Variants in DUSP10 observed in about 807,000 individuals in gnomAD.
The protein encoded by DUSP10 is dual specificity protein phosphatase 10.
A neutral mutation model predicts 30.8 loss-of-function variants in DUSP10; 14 were observed. The ratio of observed to expected loss-of-function variants is 0.46; its 90% CI spans 0.30 to 0.71. The LOEUF is 0.71. DUSP10 is among the 30% of genes least tolerant of loss of function. The pLI, the probability that DUSP10 is intolerant of heterozygous loss-of-function variation, is 0.08. For synonymous variants in DUSP10, 254 were observed against 250.4 expected (o/e 1.01, Z -0.14); for missense variants, 550 against 619.4 (o/e 0.89, Z 1.19).
intron 2 of DUSP10, among the ~76,000 whole-genome samples, chr1:221,724,726 T>C (rs12129426): frequency 0.099 from 15,002 of 152,272 alleles, 812 homozygotes; most frequent in Middle Eastern, 0.13. Context: ...TGAATGTGTG[T>C]GCATGCACAT....
At chr1:221,739,902 C>G (rs910718616) in intron 1 of DUSP10, 115 bp from the exon 2 acceptor site, 17 of 1,081,756 alleles carry the variant, frequency 1.6e-5, no homozygotes, top group Non-Finnish European at 2.1e-5. Flanking sequence ...GTCCTAATTG[C>G]CCTTTATCAT....
At chr1:221,713,250 TA>T (rs1660995217) in intron 2 of DUSP10, among the ~76,000 whole-genome samples, 1 of 152,220 alleles carries the variant, frequency 6.6e-6, no homozygotes, top group Admixed American at 6.5e-5. Flanking sequence ...TCTGCTCTGC[TA>T]AAAGTGTACT....
At chr1:221,724,343 A>AT (rs5781248) in intron 2 of DUSP10, among the ~76,000 whole-genome samples, 13 of 151,332 alleles carry the variant, frequency 8.6e-5, no homozygotes, top group East Asian at 5.8e-4. Context: ...AATAACAAGC[A>AT]TTTTTTTTTT....
At chr1:221,738,731 C>A (rs1398720550) in intron 2 of DUSP10, among the ~76,000 whole-genome samples, 1 of 152,174 alleles carries the variant, frequency 6.6e-6, no homozygotes, top group Non-Finnish European at 1.5e-5. Context: ...AAGGGTAGAA[C>A]CCAGATCTTC....
chr1:221,714,250 ATTAC>A (rs1442227279), intron 2 of DUSP10, among the ~76,000 whole-genome samples: 2 of 152,176 alleles, frequency 1.3e-5, no homozygotes, highest in Non-Finnish European at 2.9e-5. Flanking sequence ...TTAAGAAGAA[ATTAC>A]TTAGGCAGAT....
At position 221,706,397 on chromosome 1, in the gene DUSP10, C is replaced by T. The variant is rs770902966; in HGVS notation, c.881G>A (p.Arg294Gln). 8.3e-6 allele frequency: 13 copies of T among 1,571,276 alleles called. No individual in the cohort carries two copies. The highest frequency in any genetic ancestry group is 1.7e-4 in the Middle Eastern group (1 of 5,852). Residue 294 changes from arginine (R) to glutamine (Q), a missense_variant, in exon 3 of 4, where the codon CGG becomes CAG. Coordinates refer to ENST00000366899, the MANE Select transcript of DUSP10 (RefSeq NM_007207.6). This position sits in a 1 kb window ranked among gnomAD's most constrained non-coding sequence, Gnocchi z 4.6. ...CGCGGATGCGCCGCCCCCCACCTCC[C>T]GGCACTCTTGGAGCTGGAGGGAGTT... is the stretch of plus-strand genomic sequence containing the variant. ...CDNSLQLQECREVGGGASAAS... is the reference protein window; with the variant it reads ...CDNSLQLQECQEVGGGASAAS...
intron 3 of DUSP10, among the ~76,000 whole-genome samples, chr1:221,703,217 G>A (rs1407821774): frequency 6.6e-6 from 1 of 151,386 alleles, no homozygotes; most frequent in African/African-American, 2.4e-5. Flanking sequence ...GTGTGTGTGT[G>A]TGTATATATA....
chr1:221,703,954 C>T (rs1045506086), intron 3 of DUSP10, among the ~76,000 whole-genome samples: 3 of 152,164 alleles, frequency 2.0e-5, no homozygotes, highest in African/African-American at 7.2e-5. Flanking sequence ...AAGTAAGCAT[C>T]TCTCTTTTTC....
At position 221,733,448 on chromosome 1, in the gene DUSP10, C is replaced by A. The variant is rs556374168; in HGVS notation, c.811+5486G>T. Among the ~76,000 whole-genome samples, 5 of 152,314 alleles carry A rather than the reference C, an allele frequency of 3.3e-5. No individual in the cohort carries two copies. In the South Asian group the frequency reaches 1.0e-3, roughly 32 times the overall value. ...AGGAGTTTCTTGAACTTGTCCATGA[C>A]AAGCTGGATGATTAAGTTAATTAAC... On this transcript the variant is annotated intron_variant, in intron 2 of 3. Transcript: ENST00000366899.
rs1168279469 is a variant in DUSP10, at chr1:221,718,816, AG to A, written c.812-12351del. 2.0e-5 allele frequency among the ~76,000 whole-genome samples: 3 copies of A among 152,372 alleles called. No individual in the cohort carries two copies. In the East Asian group the frequency reaches 5.8e-4, roughly 29 times the overall value. The stretch of plus-strand genomic sequence containing the variant: ...AAAGTATGTTTCCCAATGGGATTTA[AG>A]TAAAGTCCAATTAAATAAATCTTCA... On this transcript the variant is annotated intron_variant, in intron 2 of 3. Transcript: ENST00000366899.
Position 221,706,085 on chromosome 1 carries a change from A to T in DUSP10, c.1183+10T>A, listed in dbSNP as rs1454452630. On this transcript the variant is annotated intron_variant, in intron 3 of 3. Transcript: ENST00000366899. The surrounding 1 kb of genome is among the most constrained non-coding windows in gnomAD (Gnocchi z 4.6). ...GCAGCGGATGAAAATTCCCTATGGG[A>T]GATAGTTACCAATGAACTCAAAAGC... is the stretch of plus-strand genomic sequence containing the variant. The T allele has an allele frequency of 6.2e-7, 1 of 1,609,650 alleles. No homozygotes were observed. The highest frequency in any genetic ancestry group is 1.7e-5 in the Admixed American group (1 of 59,680).
chr1:221,736,664 C>T (rs1404987183), intron 2 of DUSP10, among the ~76,000 whole-genome samples: 1 of 152,190 alleles, frequency 6.6e-6, no homozygotes, highest in Non-Finnish European at 1.5e-5. Context: ...AATATTGACC[C>T]ATTCCTTTCC....
At chr1:221,729,133 G>A (rs1178430461) in intron 2 of DUSP10, among the ~76,000 whole-genome samples, 1 of 152,178 alleles carries the variant, frequency 6.6e-6, no homozygotes, top group Non-Finnish European at 1.5e-5. Flanking sequence ...ATATATGTTA[G>A]AATTATCACA....
At chr1:221,705,504 C>T (rs148339124) in intron 3 of DUSP10, among the ~76,000 whole-genome samples, 7 of 152,302 alleles carry the variant, frequency 4.6e-5, no homozygotes, top group Admixed American at 1.3e-4. Flanking sequence ...GGGATCAAAG[C>T]GTGCTGTTGC....
At chr1:221,738,671 A>AT (rs774285321) in intron 2 of DUSP10, among the ~76,000 whole-genome samples, 3 of 152,260 alleles carry the variant, frequency 2.0e-5, no homozygotes, top group Non-Finnish European at 4.4e-5. Context: ...ATGAGAAAAC[A>AT]GTCCCAGAGA....
At chr1:221,714,533 A>C (rs1004302193) in intron 2 of DUSP10, among the ~76,000 whole-genome samples, 1 of 152,178 alleles carries the variant, frequency 6.6e-6, no homozygotes, top group African/African-American at 2.4e-5. Flanking sequence ...TTGCATAATA[A>C]GATTAGGGTG....
At chr1:221,736,581 C>T (rs1358577328) in intron 2 of DUSP10, among the ~76,000 whole-genome samples, 6 of 152,146 alleles carry the variant, frequency 3.9e-5, no homozygotes, top group African/African-American at 1.4e-4. Flanking sequence ...ATGCCCACCC[C>T]GTCTTTCACC....
intron 1 of DUSP10, among the ~76,000 whole-genome samples, chr1:221,741,612 C>T (rs1019301233): frequency 1.3e-5 from 2 of 152,128 alleles, no homozygotes; most frequent in Non-Finnish European, 2.9e-5. Flanking sequence ...TTCCCCATTC[C>T]TGGAGCACTT....
intron 1 of DUSP10, 74 bp from the exon 2 acceptor site, chr1:221,739,861 G>C: frequency 7.0e-7 from 1 of 1,419,352 alleles, no homozygotes; most frequent in Non-Finnish European, 9.2e-7. Context: ...CAATCCCTGG[G>C]AAAGACCTTT....
Sources: gnomAD v4.1 joint callset for allele counts (sites outside exome capture counted in the v4.1 genomes callset) on GRCh38, gnomAD v4.1.1 for gene constraint, Gnocchi (gnomAD v3.1) non-coding constraint, MANE v1.5 for transcripts, NCBI Gene and HGNC (gene_info 2026-07-23, HGNC 2026-07-21) for gene names.